The following AASDH variants were observed in gnomAD, a reference collection of about 807,000 sequenced individuals.
The protein encoded by AASDH is aminoadipate-semialdehyde dehydrogenase.
Under a neutral mutation model 102.3 loss-of-function variants are expected in AASDH, and 81 were observed. That is an observed-to-expected ratio of 0.79 (90% CI 0.66 to 0.95). The LOEUF is 0.95. Among genes scored for constraint, AASDH ranks in the 40% least tolerant of loss-of-function variants. The pLI is 0.00. For missense variants in AASDH, 1,203 were observed against 1,266.2 expected (o/e 0.95, Z 0.76); for synonymous variants, 398 against 454.0 (o/e 0.88, Z 1.57).
At chr4:56,355,872 C>T (rs1189958179) in intron 5 of AASDH, among the ~76,000 whole-genome samples, 1 of 152,036 alleles carries the variant, frequency 6.6e-6, no homozygotes, top group Admixed American at 6.6e-5. Flanking sequence ...CCACTTTGGC[C>T]TCCCAAAGCT....
At chr4:56,362,400 G>A (rs1431917357) in intron 5 of AASDH, among the ~76,000 whole-genome samples, 3 of 152,126 alleles carry the variant, frequency 2.0e-5, no homozygotes, top group Non-Finnish European at 4.4e-5. Context: ...GAGTAGCTGG[G>A]ATTACAGGTG....
chr4:56,359,338 T>C lies in AASDH; in HGVS notation c.862-3915A>G, dbSNP rs569924947. The stretch of plus-strand genomic sequence containing the variant: ...ACCACAACATCCGCCTCCTGCCTCC[T>C]GCCTCCCGCCTCCCGAGTTCAAGTG... On this transcript the variant is annotated intron_variant, in intron 5 of 14. Coordinates refer to ENST00000205214, the MANE Select transcript of AASDH (RefSeq NM_181806.4). Among the ~76,000 whole-genome samples the C allele has an allele frequency of 4.0e-3, 606 of 152,086 alleles. 11 individuals carry two copies. The highest frequency in any genetic ancestry group is 1.4e-3 in the Non-Finnish European group (95 of 67,958).
At chr4:56,363,942 C>T (rs542250585) in intron 5 of AASDH, among the ~76,000 whole-genome samples, 5 of 152,012 alleles carry the variant, frequency 3.3e-5, no homozygotes, top group Admixed American at 6.5e-5. Context: ...GGAGGAAGTT[C>T]GAACCAATGG....
intron 1 of AASDH, among the ~76,000 whole-genome samples, chr4:56,385,903 C>T (rs934479558): frequency 2.6e-5 from 4 of 151,226 alleles, no homozygotes; most frequent in Admixed American, 6.6e-5. Flanking sequence ...CCACCGCGCC[C>T]GGCCGAGTCA....
intron 4 of AASDH, among the ~76,000 whole-genome samples, chr4:56,372,472 A>T (rs114274590): frequency 0.011 from 1,627 of 152,318 alleles, 33 homozygotes; most frequent in African/African-American, 0.037. Flanking sequence ...CAGTATCTGA[A>T]CAAAAAGCAG....
intron 5 of AASDH, among the ~76,000 whole-genome samples, chr4:56,365,209 A>T (rs1480296428): frequency 6.6e-6 from 1 of 152,108 alleles, no homozygotes; most frequent in Non-Finnish European, 1.5e-5. Flanking sequence ...GAGCACCCAG[A>T]TTCATAAAGC....
chr4:56,355,336 G>A lies in AASDH; in HGVS notation c.949C>T (p.Leu317Phe), dbSNP rs1199510757. 1.2e-6 allele frequency: 2 copies of A among 1,614,092 alleles called. No individual in the cohort carries two copies. Among genetic ancestry groups the A allele is most frequent in the Non-Finnish European group, 1.7e-6 (2 of 1,180,014 alleles). ...AATGATGGAAACGCTTCACCACCAA[G>A]GGCTAATACTCGAAGAGAAGTAGTG... is the stretch of plus-strand genomic sequence containing the variant. ...SATTSLRVLA[L>F]GGEAFPSLTV... Residue 317 changes from leucine (L) to phenylalanine (F), a missense_variant, in exon 6 of 15, where the codon CTT becomes TTT. Leu to Phe is a conservative substitution (Grantham distance 22, BLOSUM62 0). Coordinates refer to ENST00000205214, the MANE Select transcript of AASDH (RefSeq NM_181806.4).
chr4:56,352,036 ATATAT>A (rs1476424106), intron 9 of AASDH, among the ~76,000 whole-genome samples: 2 of 152,192 alleles, frequency 1.3e-5, no homozygotes, highest in Non-Finnish European at 2.9e-5. Context: ...ATGTTGAAGT[ATATAT>A]TAAATAAAAA....
intron 1 of AASDH, among the ~76,000 whole-genome samples, 183 bp from the exon 2 acceptor site, chr4:56,384,524 C>T (rs1449874379): frequency 6.6e-6 from 1 of 152,106 alleles, no homozygotes. Context: ...TGAAAATTAA[C>T]TTGATACATC....
intron 2 of AASDH, among the ~76,000 whole-genome samples, chr4:56,382,994 T>A (rs1377946509): frequency 6.6e-6 from 1 of 152,190 alleles, no homozygotes; most frequent in African/African-American, 2.4e-5. Context: ...GAGGCGGAGG[T>A]TGCGGTGAGC....
intron 5 of AASDH, among the ~76,000 whole-genome samples, chr4:56,367,413 A>G (rs1751146416): frequency 8.5e-6 from 1 of 117,846 alleles, no homozygotes; most frequent in Non-Finnish European, 1.8e-5. Context: ...TTGCCAAGTC[A>G]ATCCTAAGCC....
intron 3 of AASDH, chr4:56,382,097 G>A (rs1753033774): frequency 6.5e-6 from 1 of 154,908 alleles, no homozygotes; most frequent in Non-Finnish European, 1.4e-5. Context: ...ACTTTGGAAA[G>A]AGAAATTCAA....
At chr4:56,367,272 C>T (rs1470126764) in intron 5 of AASDH, among the ~76,000 whole-genome samples, 2,276 of 151,376 alleles carry the variant, frequency 0.015, 59 homozygotes, top group African/African-American at 0.052. Context: ...GAATCAATAT[C>T]GTGACAATGG....
In AASDH at chr4:56,349,631, G is replaced by A. The variant is rs1344005849; in HGVS notation, c.2120C>T (p.Pro707Leu). 1.9e-6 allele frequency: 3 copies of A among 1,614,198 alleles called. No homozygotes were observed. Among genetic ancestry groups the A allele is most frequent in the Non-Finnish European group, 2.5e-6 (3 of 1,180,032 alleles). ...TKLGHCSSAC[P>L]SDSVSQTNIQ... Reference sequence around the variant, plus strand: ...GTTGGTCTGTGAAACTGAGTCAGAAGGACAGGCTGAAGAGCAATGTCCTAA... The same window carrying A: ...GTTGGTCTGTGAAACTGAGTCAGAAAGACAGGCTGAAGAGCAATGTCCTAA... Residue 707 changes from proline (P) to leucine (L), a missense_variant, in exon 11 of 15, where the codon CCT becomes CTT. Transcript: ENST00000205214.
chr4:56,374,565 T>G (rs28653752), intron 4 of AASDH, among the ~76,000 whole-genome samples: 1 of 152,106 alleles, frequency 6.6e-6, no homozygotes, highest in Non-Finnish European at 1.5e-5. Flanking sequence ...CCAAGTGTTA[T>G]CACAAACTTT....
intron 12 of AASDH, among the ~76,000 whole-genome samples, chr4:56,343,994 A>G (rs1050489990): frequency 6.6e-6 from 1 of 152,156 alleles, no homozygotes. Context: ...TTCTGAATAT[A>G]TAACTTGGTA....
At chr4:56,343,502 C>T in intron 13 of AASDH, 60 bp downstream of exon 13, 2 of 1,446,248 alleles carry the variant, frequency 1.4e-6, no homozygotes, top group Non-Finnish European at 1.9e-6. Context: ...AAGCTCAAAG[C>T]AAAAATTTTA....
rs1431352978 is a variant in AASDH at position 56,354,117 on chromosome 4, T to TCC, written c.1303_1304dup (p.Ile437ArgfsTer47). ...CTTTTCGTCCCAAAAAAAAAATCTC[T>TCC]CCATCTTTCACAGTCACAAAGTCTC... On this transcript the variant is annotated frameshift_variant, in exon 8 of 15. Coordinates refer to ENST00000205214, the MANE Select transcript of AASDH (RefSeq NM_181806.4). LOFTEE classifies it high-confidence loss of function. The TCC allele has an allele frequency of 6.2e-7, 1 of 1,613,384 alleles. No individual in the cohort carries two copies. The highest frequency in any genetic ancestry group is 8.5e-7 in the Non-Finnish European group (1 of 1,179,576).
At chr4:56,347,696 G>T (rs978756443) in intron 11 of AASDH, among the ~76,000 whole-genome samples, 1 of 152,128 alleles carries the variant, frequency 6.6e-6, no homozygotes, top group African/African-American at 2.4e-5. Flanking sequence ...GAGCCCGGGA[G>T]TTTGAGACCA....
Sources: gnomAD v4.1 joint callset for allele counts (sites outside exome capture counted in the v4.1 genomes callset) on GRCh38, gnomAD v4.1.1 for gene constraint, MANE v1.5 for transcripts, NCBI Gene and HGNC (gene_info 2026-07-23, HGNC 2026-07-21) for gene names.